The following SPIB variants were observed in gnomAD, a reference collection of about 807,000 sequenced individuals.
SPIB encodes the protein transcription factor Spi-B.
A neutral mutation model predicts 31.9 loss-of-function variants in SPIB; 7 were observed. The ratio of observed to expected loss-of-function variants is 0.22; its 90% CI spans 0.12 to 0.41. SPIB has a LOEUF of 0.41. Among genes scored for constraint, SPIB ranks in the 10% least tolerant of loss-of-function variants. The pLI, the probability that SPIB is intolerant of heterozygous loss-of-function variation, is 1.00. For synonymous variants in SPIB, 176 were observed against 158.9 expected, an observed-to-expected ratio of 1.11 and a Z score of -0.81; for missense variants, 327 against 360.2, an observed-to-expected ratio of 0.91 and a Z score of 0.75.
In SPIB at chr19:50,428,152, C is replaced by T. The variant is rs1168221343; in HGVS notation, c.605C>T (p.Ser202Phe). The T allele has an allele frequency of 6.3e-7, 1 of 1,589,178 alleles. No individual in the cohort carries two copies. Among genetic ancestry groups the T allele is most frequent in the East Asian group, 2.3e-5 (1 of 43,896 alleles). Residue 202 changes from serine to phenylalanine, a missense_variant, in exon 6 of 6, where the codon TCC becomes TTC. Ser to Phe is a radical substitution (Grantham distance 155). Around this residue, in one of 4 missense-constraint regions of SPIB, gnomAD observed 54 missense variants for 69.5 expected, o/e 0.78. Transcript: ENST00000595883. The surrounding 1 kb of genome is among the most constrained non-coding windows in gnomAD (Gnocchi z 6.5). ...GGCGCCGGCGTCTTCCAGTTCTCCT[C>T]CAAGCACAAGGAACTCCTGGCGCGC... Reference protein sequence around the residue: ...EPGAGVFQFSSKHKELLARRW... With the variant: ...EPGAGVFQFSFKHKELLARRW...
At chr19:50,420,024 C>G in intron 2 of SPIB, 51 bp downstream of exon 2, 2 of 1,383,376 alleles carry the variant, frequency 1.4e-6, no homozygotes, top group Non-Finnish European at 1.9e-6. Flanking sequence ...AGTGACCTCC[C>G]TCAGAGAAGT....
rs1473210857 is a variant in SPIB, at chr19:50,423,616, C to T, written c.351C>T (p.Pro117=). Residue 117 remains proline, a synonymous_variant, in exon 5 of 6, where the codon CCC becomes CCT. Coordinates refer to ENST00000595883, the MANE Select transcript of SPIB (RefSeq NM_003121.5). ...TENFASQTLV[P]PAYAPYPSPV... ...CTGACCTTCCGCAGACCCTGGTTCC[C>T]CCGGCATATGCCCCGTACCCCAGCC... 4.3e-6 allele frequency: 7 copies of T among 1,613,778 alleles called. No homozygotes were observed. Among genetic ancestry groups the T allele is most frequent in the Non-Finnish European group, 5.9e-6 (7 of 1,179,860 alleles).
At chr19:50,422,661 A>G (rs1163152329) in intron 3 of SPIB, 116 bp downstream of exon 3, 2 of 1,223,938 alleles carry the variant, frequency 1.6e-6, no homozygotes, top group East Asian at 2.4e-5. Flanking sequence ...GCCCGGGCCT[A>G]TAGCCCTCCT....
rs1177457398 is a variant in SPIB, at chr19:50,431,156, AAGAG to A, written c.*2824_*2827del. 2 of 152,178 alleles carry A rather than the reference AAGAG, an allele frequency of 1.3e-5. No homozygotes were observed. Among genetic ancestry groups the A allele is most frequent in the African/African-American group, 2.4e-5 (1 of 41,422 alleles). The allele number at this position is 152,178 out of a possible 1,614,324, so 9.4% of individuals were successfully genotyped here. A position where few individuals can be genotyped will look rare whatever the true frequency, so the allele number is the denominator to read the frequency against. ...CACGGGTGATGATGAGAGGAGTTCA[AAGAG>A]AGAATTATATGCTGGCGCGGTGGCT... On this transcript the variant is annotated 3_prime_UTR_variant, in exon 6 of 6. Transcript: ENST00000595883.
At chr19:50,423,525 GCCA>G (rs2039526402) in intron 4 of SPIB, 77 bp from the exon 5 acceptor site, 1 of 1,544,480 alleles carries the variant, frequency 6.5e-7, no homozygotes, top group Non-Finnish European at 8.8e-7. Flanking sequence ...AGCCAGGAGG[GCCA>G]CCGCCTTGGC....
intron 5 of SPIB, 60 bp from the exon 6 acceptor site, chr19:50,427,978 A>C: frequency 7.0e-7 from 1 of 1,429,778 alleles, no homozygotes; most frequent in East Asian, 2.7e-5. Context: ...AGGAGGGTGG[A>C]TGGGGAAGGC....
chr19:50,419,413 CCTT>C (rs1014510297), intron 1 of SPIB, among the ~76,000 whole-genome samples: 2 of 152,148 alleles, frequency 1.3e-5, no homozygotes, highest in African/African-American at 2.4e-5. Flanking sequence ...CTTTTGGTCT[CCTT>C]CTGCCTCACC....
In SPIB at chr19:50,428,209, G is replaced by T. The variant is rs563144649; in HGVS notation, c.662G>T (p.Arg221Leu). 1.9e-6 allele frequency: 3 copies of T among 1,583,082 alleles called. No homozygotes were observed. The highest frequency in any genetic ancestry group is 1.3e-5 in the African/African-American group (1 of 74,312). The change falls in exon 6 of 6, where the codon CGC becomes CTC. Residue 221 changes from arginine (R) to leucine (L), a missense_variant. Transcript: ENST00000595883. This position sits in a 1 kb window ranked among gnomAD's most constrained non-coding sequence, Gnocchi z 6.5. ...GGCCAGCAGAAGGGGAACCGCAAGC[G>T]CATGACCTACCAGAAGCTGGCGCGC... ...RWGQQKGNRK[R>L]MTYQKLARAL...
chr19:50,425,114 C>T (rs1402093768), intron 5 of SPIB, among the ~76,000 whole-genome samples: 2 of 151,968 alleles, frequency 1.3e-5, no homozygotes, highest in Non-Finnish European at 2.9e-5. Flanking sequence ...TCAAGCAATC[C>T]TCCTGCCTCA....
rs1203499798 is a variant in SPIB, at chr19:50,431,133, C to T, written c.*2797C>T. 2.1e-4 allele frequency: 32 copies of T among 152,160 alleles called. No individual in the cohort carries two copies. The highest frequency in any genetic ancestry group is 1.9e-3 in the Admixed American group (29 of 15,264). The allele number at this position is 152,160 out of a possible 1,614,324, so 9.4% of individuals were successfully genotyped here. ...GGCTCTCAGAGACACCGTGACATCA[C>T]GGGTGATGATGAGAGGAGTTCAAAG... is the stretch of plus-strand genomic sequence containing the variant. On this transcript the variant is annotated 3_prime_UTR_variant, in exon 6 of 6. Coordinates refer to ENST00000595883, the MANE Select transcript of SPIB (RefSeq NM_003121.5).
At position 50,429,360 on chromosome 19, in the gene SPIB, CTT is replaced by C. The variant is rs1315181399; in HGVS notation, c.*1026_*1027del. On this transcript the variant is annotated 3_prime_UTR_variant, in exon 6 of 6. Transcript: ENST00000595883. ...AGGCCCCGGTCGCTGGTGGTGGTCT[CTT>C]TAGTGCACTGTAGCACTTGGTGGTG... 1 of 152,704 alleles carries C rather than the reference CTT, an allele frequency of 6.5e-6. No individual in the cohort carries two copies. The highest frequency in any genetic ancestry group is 2.4e-5 in the African/African-American group (1 of 41,446). The allele number at this position is 152,704 out of a possible 1,614,324, so 9.5% of individuals were successfully genotyped here.
chr19:50,424,642 G>C (rs559552687), intron 5 of SPIB, among the ~76,000 whole-genome samples: 1 of 152,096 alleles, frequency 6.6e-6, no homozygotes, highest in African/African-American at 2.4e-5. Context: ...TTAGCTAGGC[G>C]TGGTGGTGTG....
intron 5 of SPIB, among the ~76,000 whole-genome samples, chr19:50,426,157 TGAG>T: frequency 6.6e-6 from 1 of 152,170 alleles, no homozygotes; most frequent in Non-Finnish European, 1.5e-5. Flanking sequence ...TGCAGTGAGC[TGAG>T]ATCATGCCAC....
intron 5 of SPIB, among the ~76,000 whole-genome samples, chr19:50,425,402 A>G (rs957413746): frequency 3.9e-5 from 6 of 152,174 alleles, no homozygotes; most frequent in African/African-American, 1.4e-4. Flanking sequence ...GATCTCTCCA[A>G]TGACTAGGAA....
intron 3 of SPIB, 110 bp downstream of exon 3, chr19:50,422,655 G>A (rs1005203278): frequency 2.7e-5 from 35 of 1,277,656 alleles, no homozygotes; most frequent in East Asian, 7.2e-5. Flanking sequence ...AAGGTGGCCC[G>A]GGCCTATAGC....
intron 4 of SPIB, 180 bp downstream of exon 4, chr19:50,423,217 A>AAG (rs1555794633): frequency 6.5e-6 from 3 of 463,240 alleles, no homozygotes; most frequent in Admixed American, 3.8e-5. Flanking sequence ...AAAAAAAAAA[A>AAG]AAAAAGAAAA....
chr19:50,428,046 A>C lies in SPIB; in HGVS notation c.499A>C (p.Lys167Gln). 6.5e-7 allele frequency: 1 copy of C among 1,527,768 alleles called. No homozygotes were observed. The highest frequency in any genetic ancestry group is 8.8e-7 in the Non-Finnish European group (1 of 1,131,342). 94.6% of individuals were successfully genotyped at this position (1,527,768 alleles called of 1,614,324 possible). ...EGKGSEAGTRKKLRLYQFLLG... is the reference protein window; with the variant it reads ...EGKGSEAGTRQKLRLYQFLLG... The stretch of plus-strand genomic sequence containing the variant: ...CCCCGACCCCACCGCAGGGACTCGC[A>C]AGAAGCTGCGCCTGTACCAGTTCCT... The change falls in exon 6 of 6, where the codon AAG becomes CAG. Residue 167 changes from lysine (K) to glutamine (Q), a missense_variant. Physicochemically the swap from Lys to Gln is moderately conservative, Grantham distance 53 (BLOSUM62 1). Transcript: ENST00000595883. The surrounding 1 kb of genome is among the most constrained non-coding windows in gnomAD (Gnocchi z 6.5).
rs960709691 is a variant in SPIB at position 50,422,600 on chromosome 19, G to A, written c.124+55G>A. 9.5e-6 allele frequency: 15 copies of A among 1,581,710 alleles called. No homozygotes were observed. In the Admixed American group the frequency reaches 2.5e-4, roughly 27 times the overall value. ...GCCTTGGGGCCCATTTCACAGATAGGGGAGCTGAGGCCCAGGGGAGGTCAT... is the reference window on the plus strand; with the variant it reads ...GCCTTGGGGCCCATTTCACAGATAGAGGAGCTGAGGCCCAGGGGAGGTCAT... On this transcript the variant is annotated intron_variant, in intron 3 of 5. Transcript: ENST00000595883.
chr19:50,422,350 AT>A, intron 2 of SPIB, 122 bp from the exon 3 acceptor site: 1 of 717,386 alleles, frequency 1.4e-6, no homozygotes, highest in Non-Finnish European at 2.4e-6. Context: ...TGTTGCTCTA[AT>A]CTCTCCAGCA....
Sources: gnomAD v4.1 joint callset for allele counts (sites outside exome capture counted in the v4.1 genomes callset) on GRCh38, gnomAD v4.1.1 for gene constraint, gnomAD v4.1.1 regional missense constraint, Gnocchi (gnomAD v3.1) non-coding constraint, MANE v1.5 for transcripts, NCBI Gene and HGNC (gene_info 2026-07-23, HGNC 2026-07-21) for gene names.